Variants in FBXL5 observed in about 807,000 individuals in gnomAD.
FBXL5 encodes F-box and leucine rich repeat protein 5.
In FBXL5, 26 loss-of-function variants were observed where a neutral mutation model predicts 78.3. That is an observed-to-expected ratio of 0.33 (90% CI 0.24 to 0.46). The LOEUF is 0.46. FBXL5 is among the 20% of genes least tolerant of loss of function. FBXL5 has a pLI of 1.00. For synonymous variants in FBXL5, 295 were observed against 282.5 expected (o/e 1.04, Z -0.45); for missense variants, 710 against 829.2 (o/e 0.86, Z 1.77).
chr4:15,614,725 G>C (rs1288811655), intron 9 of FBXL5, among the ~76,000 whole-genome samples: 1 of 152,148 alleles, frequency 6.6e-6, no homozygotes, highest in Non-Finnish European at 1.5e-5. Context: ...GTTCCCACAG[G>C]TATTATTGAG....
At chr4:15,614,560 T>C (rs1004421179) in intron 9 of FBXL5, among the ~76,000 whole-genome samples, 1 of 152,148 alleles carries the variant, frequency 6.6e-6, no homozygotes, top group African/African-American at 2.4e-5. Context: ...GGTCTTTGGC[T>C]ACCAGGGTGG....
At chr4:15,618,508 A>C (rs527614923) in intron 9 of FBXL5, among the ~76,000 whole-genome samples, 1 of 152,336 alleles carries the variant, frequency 6.6e-6, no homozygotes, top group South Asian at 2.1e-4. Flanking sequence ...GACCAAAACA[A>C]AATAGTTTCA....
chr4:15,625,032 T>C (rs1258227667), intron 9 of FBXL5, among the ~76,000 whole-genome samples: 1 of 152,258 alleles, frequency 6.6e-6, no homozygotes, highest in South Asian at 2.1e-4. Flanking sequence ...TTAGAATTTA[T>C]GTTCTTCCAT....
intron 4 of FBXL5, among the ~76,000 whole-genome samples, chr4:15,637,711 C>T (rs758966987): frequency 2.6e-5 from 4 of 152,124 alleles, no homozygotes; most frequent in East Asian, 1.9e-4. Flanking sequence ...ATAAGCTTTA[C>T]GGGATTAATT....
Position 15,636,667 on chromosome 4 carries a change from A to C in FBXL5, c.593T>G (p.Val198Gly), listed in dbSNP as rs1288582993. The C allele has an allele frequency of 6.4e-7, 1 of 1,552,050 alleles. No homozygotes were observed. The highest frequency in any genetic ancestry group is 1.2e-5 in the South Asian group (1 of 82,720). ...VDEKSDKEAE[V>G]SEHSTGITHL... is the part of the protein sequence containing the mutation. ...GGTTATACCTGTGGAGTGTTCTGAC[A>C]CTTCTGCTTCTGAAATAAAAAAGAA... The change falls in exon 5 of 11, where the codon GTG becomes GGG. Residue 198 changes from valine (V) to glycine (G), a missense_variant. Physicochemically the swap from Val to Gly is moderately radical, Grantham distance 109. Around this residue, in one of 4 missense-constraint regions of FBXL5, gnomAD observed 517 missense variants for 542.9 expected, o/e 0.95. Coordinates refer to ENST00000341285, the MANE Select transcript of FBXL5 (RefSeq NM_012161.4).
At chr4:15,638,380 A>G in intron 4 of FBXL5, 128 bp downstream of exon 4, 1 of 497,304 alleles carries the variant, frequency 2.0e-6, no homozygotes, top group Middle Eastern at 4.5e-4. Context: ...ACATGAAAAT[A>G]ATGCCTTTAA....
At chr4:15,638,325 A>C (rs1714495455) in intron 4 of FBXL5, among the ~76,000 whole-genome samples, 183 bp downstream of exon 4, 1 of 152,240 alleles carries the variant, frequency 6.6e-6, no homozygotes. Flanking sequence ...ATCATGCACA[A>C]CACTAAATTC....
At chr4:15,673,440 C>A (rs1258055689) in intron 1 of FBXL5, among the ~76,000 whole-genome samples, 1 of 151,112 alleles carries the variant, frequency 6.6e-6, no homozygotes, top group Non-Finnish European at 1.5e-5. Flanking sequence ...GACCTCATCT[C>A]AAAAAAAATA....
rs558570736 is a variant in FBXL5 at position 15,625,857 on chromosome 4, T to C, written c.1245A>G (p.Gln415=). The C allele has an allele frequency of 5.0e-6, 8 of 1,614,162 alleles. No individual in the cohort carries two copies. Among genetic ancestry groups the C allele is most frequent in the African/African-American group, 4.0e-5 (3 of 75,064 alleles). The change falls in exon 9 of 11, where the codon CAA becomes CAG. Residue 415 remains glutamine (Q), a synonymous_variant. Coordinates refer to ENST00000341285, the MANE Select transcript of FBXL5 (RefSeq NM_012161.4). ...SRALGILTSH[Q]SGFLKTSTSK... ...TTGTAGATGTTTTCAAAAAGCCACT[T>C]TGATGAGATGTCAGAATTCCAAGAG...
intron 1 of FBXL5, among the ~76,000 whole-genome samples, chr4:15,674,888 A>T (rs1189012845): frequency 6.6e-6 from 1 of 152,126 alleles, no homozygotes; most frequent in African/African-American, 2.4e-5. Context: ...TGACCTTGTG[A>T]TCCGTCTGCC....
chr4:15,643,610 T>G (rs573778129), intron 2 of FBXL5, among the ~76,000 whole-genome samples: 1 of 152,318 alleles, frequency 6.6e-6, no homozygotes, highest in Admixed American at 6.5e-5. Flanking sequence ...TTTCACTATG[T>G]TGGCCAGGCT....
rs775366661 is a variant in FBXL5 at position 15,644,602 on chromosome 4, T to A, written c.191A>T (p.Tyr64Phe). ...GCGTTGTTGAAGCAAACCAATAATG[T>A]ATTCATTTTCAATCTGCTCATGCAT... is the stretch of plus-strand genomic sequence containing the variant. Reference protein sequence around the residue: ...FKMHEQIENEYIIGLLQQRSQ... With the variant: ...FKMHEQIENEFIIGLLQQRSQ... The change falls in exon 2 of 11, where the codon TAC becomes TTC. Residue 64 changes from tyrosine to phenylalanine, a missense_variant. Physicochemically the swap from Tyr to Phe is conservative, Grantham distance 22. Around this residue, in one of 4 missense-constraint regions of FBXL5, gnomAD observed 132 missense variants for 156.9 expected, o/e 0.84. Coordinates refer to ENST00000341285, the MANE Select transcript of FBXL5 (RefSeq NM_012161.4). 1.9e-6 allele frequency: 3 copies of A among 1,614,008 alleles called. No individual in the cohort carries two copies. Among genetic ancestry groups the A allele is most frequent in the Non-Finnish European group, 2.5e-6 (3 of 1,179,988 alleles).
At chr4:15,663,228 T>C (rs912774359), upstream of FBXL5, among the ~76,000 whole-genome samples, 2 of 152,218 alleles carry the variant, frequency 1.3e-5, no homozygotes, top group African/African-American at 4.8e-5. Flanking sequence ...ACATTGATAA[T>C]AGTCATTCAT....
At chr4:15,624,580 CCTT>C (rs1712817762) in intron 9 of FBXL5, among the ~76,000 whole-genome samples, 1 of 150,888 alleles carries the variant, frequency 6.6e-6, no homozygotes, top group Non-Finnish European at 1.5e-5. Flanking sequence ...CACCTTCAGC[CCTT>C]CTTTCCTCTA....
At chr4:15,667,910 G>A (rs560941819) in intron 1 of FBXL5, among the ~76,000 whole-genome samples, 24 of 152,022 alleles carry the variant, frequency 1.6e-4, no homozygotes, top group African/African-American at 5.3e-4. Context: ...GCGTGGTGGC[G>A]GGTGCCTGTA....
intron 9 of FBXL5, among the ~76,000 whole-genome samples, chr4:15,614,583 A>G (rs1433763090): frequency 6.6e-6 from 1 of 152,064 alleles, no homozygotes; most frequent in Non-Finnish European, 1.5e-5. Context: ...AAAGACCATT[A>G]GGTGAGGGCA....
In FBXL5 at chr4:15,625,341, A is replaced by C; in HGVS notation, c.1761T>G (p.Phe587Leu). 1 of 1,614,214 alleles carries C rather than the reference A, an allele frequency of 6.2e-7. No homozygotes were observed. Among genetic ancestry groups the C allele is most frequent in the East Asian group, 2.2e-5 (1 of 44,888 alleles). Reference protein sequence around the residue: ...RLPRGKDLIYFGSEKSDQETG... With the variant: ...RLPRGKDLIYLGSEKSDQETG... ...TCTCTTGATCAGATTTTTCACTCCC[A>C]AAGTAAATTAAGTCTTTTCCCCTAG... is the stretch of plus-strand genomic sequence containing the variant. Residue 587 changes from phenylalanine to leucine, a missense_variant, in exon 9 of 11, where the codon TTT (phenylalanine) becomes TTG (leucine). Coordinates refer to ENST00000341285, the MANE Select transcript of FBXL5 (RefSeq NM_012161.4).
chr4:15,670,993 G>A (rs976936912), intron 1 of FBXL5, among the ~76,000 whole-genome samples: 5 of 137,536 alleles, frequency 3.6e-5, no homozygotes, highest in East Asian at 2.2e-4. Flanking sequence ...GCGTGATCTC[G>A]GCTCACTATA....
In FBXL5 at chr4:15,638,623, T is replaced by C; in HGVS notation, c.468A>G (p.Ala156=). The part of the protein sequence containing the change: ...ELKDIKKKVI[A]QHCSQKDTAE... The stretch of plus-strand genomic sequence containing the variant: ...CAGTATCCTTCTGAGAGCAGTGTTG[T>C]GCAATCACTTTCTTTTTAATATCCT... Residue 156 remains alanine (A), a synonymous_variant, in exon 4 of 11, where the codon GCA becomes GCG. Coordinates refer to ENST00000341285, the MANE Select transcript of FBXL5 (RefSeq NM_012161.4). 6.2e-7 allele frequency: 1 copy of C among 1,613,590 alleles called. No individual in the cohort carries two copies.
Sources: allele counts gnomAD v4.1 joint callset (sites outside exome capture counted in the v4.1 genomes callset), GRCh38; gene constraint gnomAD v4.1.1; regional missense constraint gnomAD v4.1.1; transcripts MANE v1.5; gene names NCBI Gene and HGNC (gene_info 2026-07-23, HGNC 2026-07-21).